Variants in SACM1L observed in about 807,000 individuals in gnomAD.
The protein encoded by SACM1L is SAC1 like phosphatidylinositide phosphatase.
In SACM1L, 32 loss-of-function variants were observed where a neutral mutation model predicts 89.5. The observed-to-expected ratio is 0.36, with a 90% CI of 0.27 to 0.48. SACM1L has a LOEUF of 0.48. SACM1L is among the 20% of genes least tolerant of loss of function. The pLI is 0.99. For missense variants in SACM1L, 543 were observed against 708.5 expected, an observed-to-expected ratio of 0.77 and a Z score of 2.65; for synonymous variants, 213 against 232.8, an observed-to-expected ratio of 0.92 and a Z score of 0.77.
At chr3:45,693,446 C>T (rs1205615051) in intron 1 of SACM1L, among the ~76,000 whole-genome samples, 1 of 152,196 alleles carries the variant, frequency 6.6e-6, no homozygotes, top group African/African-American at 2.4e-5. Context: ...TGGAATGTAT[C>T]GTTTTGAAGA....
chr3:45,737,608 A>G lies in SACM1L; in HGVS notation c.1265A>G (p.Gln422Arg). The G allele has an allele frequency of 6.3e-7, 1 of 1,596,502 alleles. No homozygotes were observed. The highest frequency in any genetic ancestry group is 8.5e-7 in the Non-Finnish European group (1 of 1,175,984). Residue 422 changes from glutamine to arginine, a missense_variant, in exon 15 of 20, where the codon CAA becomes CGA. By Grantham distance (43) the Gln-to-Arg change is conservative. Coordinates refer to ENST00000389061, the MANE Select transcript of SACM1L (RefSeq NM_014016.5). ...LQRLGVLHVG[Q>R]KLEEQDEFEK... ...AGACTAGGAGTTTTGCATGTGGGAC[A>G]AAAGCTTGAAGAACAAGATGAATTT... is the stretch of plus-strand genomic sequence containing the variant.
At chr3:45,713,054 G>T in intron 5 of SACM1L, 83 bp from the exon 6 acceptor site, 1 of 1,121,680 alleles carries the variant, frequency 8.9e-7, no homozygotes, top group South Asian at 1.4e-5. Flanking sequence ...CCATCAGAAA[G>T]AGACATTGAT....
intron 19 of SACM1L, 52 bp from the exon 20 acceptor site, chr3:45,743,481 G>T (rs553338093): frequency 3.8e-5 from 16 of 423,622 alleles, no homozygotes; most frequent in African/African-American, 3.2e-4. Flanking sequence ...TGAAAACTGG[G>T]TCTGATATCA....
In SACM1L at chr3:45,702,037, A is replaced by G. The variant is rs1698287570; in HGVS notation, c.33-1401A>G. On this transcript the variant is annotated intron_variant, in intron 1 of 19. Coordinates refer to ENST00000389061, the MANE Select transcript of SACM1L (RefSeq NM_014016.5). ...GAATGAATTGTTGTGTTCAGGTTAAATTGAAGATTGCTGTATTTGAAGCAG... is the reference window on the plus strand; with the variant it reads ...GAATGAATTGTTGTGTTCAGGTTAAGTTGAAGATTGCTGTATTTGAAGCAG... Among the ~76,000 whole-genome samples, 5 of 152,204 alleles carry G rather than the reference A, an allele frequency of 3.3e-5. No homozygotes were observed. In the South Asian group the frequency reaches 1.0e-3, roughly 32 times the overall value.
intron 1 of SACM1L, among the ~76,000 whole-genome samples, chr3:45,699,236 A>G (rs1186318887): frequency 6.6e-6 from 1 of 152,036 alleles, no homozygotes; most frequent in Non-Finnish European, 1.5e-5. Flanking sequence ...TACATATGTA[A>G]CTAACCTGCA....
At chr3:45,716,334 T>A (rs77559692) in intron 7 of SACM1L, among the ~76,000 whole-genome samples, 1 of 152,092 alleles carries the variant, frequency 6.6e-6, no homozygotes, top group Non-Finnish European at 1.5e-5. Flanking sequence ...AAATTAGGCA[T>A]GGTAGCATGT....
At chr3:45,699,089 T>G (rs1575385094) in intron 1 of SACM1L, among the ~76,000 whole-genome samples, 1 of 152,144 alleles carries the variant, frequency 6.6e-6, no homozygotes, top group Non-Finnish European at 1.5e-5. Flanking sequence ...AGTTTTTAAA[T>G]CTTATTTTTA....
Position 45,719,528 on chromosome 3 carries a change from T to C in SACM1L, c.606T>C (p.Asn202=). The change falls in exon 8 of 20, where the codon AAT becomes AAC. Residue 202 remains asparagine, a synonymous_variant. Transcript: ENST00000389061. The part of the protein sequence containing the change: ...GFITMHSCSI[N]GKYFDWILIS... ...TTACCATGCATTCATGTTCTATTAA[T>C]GGAAAATACTTTGATTGGATTCTCA... The C allele has an allele frequency of 6.2e-7, 1 of 1,610,416 alleles. No homozygotes were observed. The highest frequency in any genetic ancestry group is 1.7e-4 in the Middle Eastern group (1 of 6,052).
Position 45,689,406 on chromosome 3 carries a change from C to T in SACM1L, c.-60C>T. The T allele has an allele frequency of 6.4e-7, 1 of 1,551,482 alleles. No homozygotes were observed. ...GCCAGGGTGACCGGTAGAGTTGTAGCCGAGGTGGCGGCGCGGGGCGGGGCG... is the reference window on the plus strand; with the variant it reads ...GCCAGGGTGACCGGTAGAGTTGTAGTCGAGGTGGCGGCGCGGGGCGGGGCG... On this transcript the variant is annotated 5_prime_UTR_variant, in exon 1 of 20. Coordinates refer to ENST00000389061, the MANE Select transcript of SACM1L (RefSeq NM_014016.5).
chr3:45,741,688 A>AG (rs1699319696), intron 19 of SACM1L, among the ~76,000 whole-genome samples: 1 of 152,202 alleles, frequency 6.6e-6, no homozygotes, highest in South Asian at 2.1e-4. Flanking sequence ...AATGTTGAGT[A>AG]GGGGGAAAGA....
intron 3 of SACM1L, among the ~76,000 whole-genome samples, chr3:45,706,113 A>G (rs1011017047): frequency 2.0e-5 from 3 of 152,242 alleles, no homozygotes; most frequent in East Asian, 1.9e-4. Flanking sequence ...GTACATGGCA[A>G]AACTTTCAGA....
In SACM1L at chr3:45,743,766, T is replaced by G; in HGVS notation, c.*97T>G. 7.6e-7 allele frequency: 1 copy of G among 1,312,668 alleles called. No individual in the cohort carries two copies. The allele number at this position is 1,312,668 out of a possible 1,614,324, so 81.3% of individuals were successfully genotyped here. On this transcript the variant is annotated 3_prime_UTR_variant, in exon 20 of 20. Transcript: ENST00000389061. ...TTTCCACATCAGCCCAAGGTCTTTT[T>G]AATGCCTTTATCCAAAAGCACATCT... is the stretch of plus-strand genomic sequence containing the variant.
chr3:45,689,848 A>G, intron 1 of SACM1L: 1 of 425,052 alleles, frequency 2.4e-6, no homozygotes. Context: ...ATTTATCTGT[A>G]TGACTTAACA....
intron 4 of SACM1L, among the ~76,000 whole-genome samples, chr3:45,707,543 G>A (rs1698427645): frequency 6.6e-6 from 1 of 152,178 alleles, no homozygotes; most frequent in Non-Finnish European, 1.5e-5. Context: ...GAACATAAAT[G>A]GAGCATAGAA....
chr3:45,721,243 C>T (rs1005180131), intron 8 of SACM1L, among the ~76,000 whole-genome samples: 22 of 152,302 alleles, frequency 1.4e-4, no homozygotes, highest in African/African-American at 4.6e-4. Context: ...CTATATTCAC[C>T]GGGTGCGGTG....
rs918629143 is a variant in SACM1L, at chr3:45,745,309, G to A, written c.*1640G>A. The A allele has an allele frequency of 6.6e-6, 1 of 152,572 alleles. No individual in the cohort carries two copies. Among genetic ancestry groups the A allele is most frequent in the Non-Finnish European group, 1.5e-5 (1 of 68,026 alleles). 9.5% of individuals were successfully genotyped at this position (152,572 alleles called of 1,614,324 possible). A position where few individuals can be genotyped will look rare whatever the true frequency, so the allele number is the denominator to read the frequency against. ...GGAATGGACTAATATCAGTGTGTTA[G>A]ATCTTAAGGTATCAGTATTTCAGAA... On this transcript the variant is annotated 3_prime_UTR_variant, in exon 20 of 20. Transcript: ENST00000389061.
chr3:45,690,807 G>A (rs1697966413), intron 1 of SACM1L, among the ~76,000 whole-genome samples: 1 of 152,162 alleles, frequency 6.6e-6, no homozygotes. Context: ...GTTGAAGGAA[G>A]TGTCTTCCAC....
chr3:45,699,288 T>A (rs2742434), intron 1 of SACM1L, among the ~76,000 whole-genome samples: 100,428 of 150,860 alleles, frequency 0.67, 34,071 homozygotes, highest in African/African-American at 0.76. Context: ...ATAATTAAAA[T>A]AAATAAATAA....
chr3:45,709,826 A>G (rs1360076822), intron 5 of SACM1L, among the ~76,000 whole-genome samples, 179 bp downstream of exon 5: 1 of 152,242 alleles, frequency 6.6e-6, no homozygotes, highest in Non-Finnish European at 1.5e-5. Context: ...TGAGTCCTTG[A>G]ATCTGTGTAT....
Sources: gnomAD v4.1 joint callset for allele counts (sites outside exome capture counted in the v4.1 genomes callset) on GRCh38, gnomAD v4.1.1 for gene constraint, MANE v1.5 for transcripts, NCBI Gene and HGNC (gene_info 2026-07-23, HGNC 2026-07-21) for gene names.